DGKH: variants seen among roughly 807,000 people sequenced by gnomAD.
DGKH encodes diacylglycerol kinase eta, also known as DAG kinase eta.
A neutral mutation model predicts 159.3 loss-of-function variants in DGKH; 90 were observed. That is an observed-to-expected ratio of 0.57 (90% confidence interval 0.48 to 0.67). The LOEUF is 0.67. Among genes scored for constraint, DGKH ranks in the 30% least tolerant of loss-of-function variants. The pLI is 0.00. For synonymous variants in DGKH, 536 were observed against 553.8 expected (o/e 0.97, Z 0.45); for missense variants, 1,181 against 1,506.1 (o/e 0.78, Z 3.57).
At chr13:42,198,447 C>A in intron 17 of DGKH, 31 bp from the exon 18 acceptor site, 1 of 1,576,976 alleles carries the variant, frequency 6.3e-7, no homozygotes, top group Non-Finnish European at 8.7e-7. Context: ...TCTTAACATG[C>A]GATCCCATAT....
chr13:42,120,869 A>G (rs558858562), intron 1 of DGKH, among the ~76,000 whole-genome samples: 1 of 152,244 alleles, frequency 6.6e-6, no homozygotes, highest in South Asian at 2.1e-4. Context: ...AGTATTCACA[A>G]CTTTCAACAG....
In DGKH at chr13:42,206,076, G is replaced by A. The variant is rs1957464691; in HGVS notation, c.2531G>A (p.Gly844Asp). The change falls in exon 21 of 30, where the codon GGC (glycine) becomes GAC (aspartate). Residue 844 changes from glycine to aspartate, a missense_variant. Gly to Asp is a moderately conservative substitution (Grantham distance 94). Around this residue, in one of 5 missense-constraint regions of DGKH, gnomAD observed 335 missense variants for 495.2 expected, o/e 0.68. Coordinates refer to ENST00000337343, the MANE Select transcript of DGKH (RefSeq NM_178009.5). ...GQYIPLPSLQ[G>D]IAVLNIPSYA... ...TATATTCCTCTTCCCAGCTTGCAAG[G>A]CATAGCCGTGTTGAACATTCCCAGC... is the stretch of plus-strand genomic sequence containing the variant. 1.4e-6 allele frequency: 2 copies of A among 1,449,968 alleles called. No individual in the cohort carries two copies. The highest frequency in any genetic ancestry group is 1.6e-5 in the South Asian group (1 of 62,220). 89.8% of individuals were successfully genotyped at this position (1,449,968 alleles called of 1,614,324 possible).
intron 1 of DGKH, among the ~76,000 whole-genome samples, chr13:42,041,454 C>T (rs1287836374): frequency 6.6e-6 from 1 of 152,190 alleles, no homozygotes; most frequent in Non-Finnish European, 1.5e-5. Context: ...CGGGTTTTGC[C>T]GGGGACGAAG....
At chr13:42,255,984 T>C in intron 30 of DGKH, 1 of 1,605,646 alleles carries the variant, frequency 6.2e-7, no homozygotes, top group Non-Finnish European at 8.5e-7. Flanking sequence ...AGTGGAGCCA[T>C]GAACACTACT....
chr13:42,221,134 C>T, intron 28 of DGKH, 130 bp from the exon 29 acceptor site: 1 of 1,220,122 alleles, frequency 8.2e-7, no homozygotes, highest in Non-Finnish European at 1.1e-6. Flanking sequence ...TTTGTTGAAA[C>T]AACACCTTTA....
Position 42,210,707 on chromosome 13 carries a change from A to T in DGKH, c.2956A>T (p.Thr986Ser). The T allele has an allele frequency of 1.2e-6, 2 of 1,612,344 alleles. No individual in the cohort carries two copies. The highest frequency in any genetic ancestry group is 4.5e-5 in the East Asian group (2 of 44,890). Residue 986 changes from threonine (T) to serine (S), a missense_variant, in exon 24 of 30, where the codon ACA (threonine) becomes TCA (serine). Physicochemically the swap from Thr to Ser is moderately conservative, Grantham distance 58. Coordinates refer to ENST00000337343, the MANE Select transcript of DGKH (RefSeq NM_178009.5). ...CATCCATCACGCCATTGACTTGGCAACAGAAGAGGTGTCGCAGATGCAGCT... is the reference window on the plus strand; with the variant it reads ...CATCCATCACGCCATTGACTTGGCATCAGAAGAGGTGTCGCAGATGCAGCT... ...LYIHHAIDLA[T>S]EEVSQMQLCS...
chr13:42,090,665 T>C (rs1954399862), intron 1 of DGKH, among the ~76,000 whole-genome samples: 2 of 152,186 alleles, frequency 1.3e-5, no homozygotes, highest in Non-Finnish European at 2.9e-5. Flanking sequence ...TTTTAACACA[T>C]TGTTTTGGGA....
chr13:42,088,547 A>G (rs909096820), intron 1 of DGKH, among the ~76,000 whole-genome samples: 1 of 152,164 alleles, frequency 6.6e-6, no homozygotes, highest in African/African-American at 2.4e-5. Flanking sequence ...AGAAAATATT[A>G]TTTGAGTGCA....
intron 1 of DGKH, among the ~76,000 whole-genome samples, chr13:42,101,026 TTGA>T (rs1449713227): frequency 2.6e-5 from 4 of 152,236 alleles, no homozygotes; most frequent in Non-Finnish European, 4.4e-5. Context: ...TCACTAGCTG[TTGA>T]TGATCTTTGT....
intron 13 of DGKH, among the ~76,000 whole-genome samples, chr13:42,185,799 A>G (rs945515650): frequency 4.6e-5 from 7 of 152,224 alleles, no homozygotes; most frequent in Admixed American, 4.6e-4. Flanking sequence ...CTAGTAAATG[A>G]TAAGCTAGAT....
At position 42,239,412 on chromosome 13, in the gene DGKH, C is replaced by G. The variant is rs1263745600; in HGVS notation, c.*10224C>G. Reference sequence around the variant, plus strand: ...TCATAAACTAAAGTATGGAATAACACAAATGCTTAATCTTAATCTTGGCTT... The same window carrying G: ...TCATAAACTAAAGTATGGAATAACAGAAATGCTTAATCTTAATCTTGGCTT... On this transcript the variant is annotated 3_prime_UTR_variant, in exon 30 of 30. Transcript: ENST00000337343. The G allele has an allele frequency of 6.6e-6, 1 of 152,564 alleles. No homozygotes were observed. Among genetic ancestry groups the G allele is most frequent in the East Asian group, 1.9e-4 (1 of 5,200 alleles). The allele number at this position is 152,564 out of a possible 1,614,324, so 9.5% of individuals were successfully genotyped here. A position where few individuals can be genotyped will look rare whatever the true frequency, so the allele number is the denominator to read the frequency against.
At chr13:42,099,970 CAG>C (rs1594026456) in intron 1 of DGKH, among the ~76,000 whole-genome samples, 1 of 152,176 alleles carries the variant, frequency 6.6e-6, no homozygotes. Flanking sequence ...CATGAGCAAA[CAG>C]ATACATTATT....
chr13:42,054,786 A>C (rs146680923), intron 1 of DGKH, among the ~76,000 whole-genome samples: 640 of 152,330 alleles, frequency 4.2e-3, no homozygotes, highest in South Asian at 8.9e-3. Context: ...GGATATATTA[A>C]TTCGCTTGAT....
intron 13 of DGKH, among the ~76,000 whole-genome samples, chr13:42,182,373 A>G (rs1310635837): frequency 2.0e-5 from 3 of 152,240 alleles, no homozygotes; most frequent in Non-Finnish European, 4.4e-5. Context: ...CCTGAAAATT[A>G]TTCTACTACA....
Position 42,165,228 on chromosome 13 carries a change from T to C in DGKH, c.856-103T>C, listed in dbSNP as rs867147055. ...AAAGTAGTTTATGAATTACTGAACA[T>C]TTTGTGGTACAGTTGATTCTAGATT... On this transcript the variant is annotated intron_variant, in intron 7 of 29. Coordinates refer to ENST00000337343, the MANE Select transcript of DGKH (RefSeq NM_178009.5). 18 of 542,518 alleles carry C rather than the reference T, an allele frequency of 3.3e-5. No homozygotes were observed. In the Middle Eastern group the frequency reaches 1.2e-3, roughly 38 times the overall value. The allele number at this position is 542,518 out of a possible 1,614,324, so 33.6% of individuals were successfully genotyped here.
upstream of DGKH, among the ~76,000 whole-genome samples, chr13:42,045,382 A>G (rs141495331): frequency 6.6e-6 from 1 of 152,360 alleles, no homozygotes; most frequent in East Asian, 1.9e-4. Flanking sequence ...AAAACTATCC[A>G]GGTCGAAAGG....
chr13:42,198,984 C>T (rs1957278718), intron 18 of DGKH, among the ~76,000 whole-genome samples: 1 of 152,198 alleles, frequency 6.6e-6, no homozygotes, highest in South Asian at 2.1e-4. Context: ...CTCTTCCCTT[C>T]TTAAGACTCC....
intron 1 of DGKH, among the ~76,000 whole-genome samples, chr13:42,056,165 T>C (rs1593958882): frequency 6.6e-6 from 1 of 152,224 alleles, no homozygotes; most frequent in Non-Finnish European, 1.5e-5. Flanking sequence ...CAACAGCTAT[T>C]GGTGATAGTA....
intron 3 of DGKH, among the ~76,000 whole-genome samples, chr13:42,135,847 G>A (rs955298585): frequency 1.4e-4 from 22 of 152,150 alleles, no homozygotes; most frequent in African/African-American, 5.1e-4. Context: ...TTCTATCTGG[G>A]TAGTCTCTGC....
Sources: allele counts gnomAD v4.1 joint callset (sites outside exome capture counted in the v4.1 genomes callset), GRCh38; gene constraint gnomAD v4.1.1; regional missense constraint gnomAD v4.1.1; transcripts MANE v1.5; gene names NCBI Gene and HGNC (gene_info 2026-07-23, HGNC 2026-07-21).